Variants in ABCA13 observed in about 807,000 individuals in gnomAD.
The protein encoded by ABCA13 is ATP binding cassette subfamily A member 13.
Under a neutral mutation model 478.7 loss-of-function variants are expected in ABCA13, and 476 were observed. That is an observed-to-expected ratio of 0.99 (90% confidence interval 0.92 to 1.07). The LOEUF is 1.07. ABCA13 is among the 50% of genes least tolerant of loss of function. The probability of loss-of-function intolerance (pLI) is 0.00; values close to 1 mark genes in which losing one functional copy is unlikely to be tolerated. For synonymous variants in ABCA13, 2,252 were observed against 2,158.9 expected (o/e 1.04, Z -1.20); for missense variants, 6,060 against 5,910.6 (o/e 1.03, Z -0.83).
rs138717542 is a variant in ABCA13, at chr7:48,199,012, G to C, written c.287+652G>C. Among the ~76,000 whole-genome samples, 357 of 152,298 alleles carry C rather than the reference G, an allele frequency of 2.3e-3. 2 individuals are homozygous for C. Among genetic ancestry groups the C allele is most frequent in the African/African-American group, 8.1e-3 (338 of 41,562 alleles). ...TGAATGCCCTGGAAACTTCTCCCAGGTGAAGTTAGGAAGGGAAGGAAGTGG... is the reference window on the plus strand; with the variant it reads ...TGAATGCCCTGGAAACTTCTCCCAGCTGAAGTTAGGAAGGGAAGGAAGTGG... On this transcript the variant is annotated intron_variant, in intron 3 of 61. Transcript: ENST00000435803.
At chr7:48,215,197 AT>A (rs1786263456) in intron 3 of ABCA13, among the ~76,000 whole-genome samples, 1 of 152,116 alleles carries the variant, frequency 6.6e-6, no homozygotes, top group Non-Finnish European at 1.5e-5. Context: ...CACTCGAACA[AT>A]TAGAGGTCAT....
At chr7:48,353,616 C>A (rs1809407258) in intron 31 of ABCA13, among the ~76,000 whole-genome samples, 1 of 151,540 alleles carries the variant, frequency 6.6e-6, no homozygotes, top group Non-Finnish European at 1.5e-5. Flanking sequence ...GGGCGACACA[C>A]ACGTGAGGAT....
In ABCA13 at chr7:48,279,642, C is replaced by T. The variant is rs1368921361; in HGVS notation, c.8448C>T (p.Ile2816=). 3.7e-6 allele frequency: 6 copies of T among 1,612,824 alleles called. No individual in the cohort carries two copies. Among genetic ancestry groups the T allele is most frequent in the Non-Finnish European group, 5.1e-6 (6 of 1,179,560 alleles). The change falls in exon 18 of 62, where the codon ATC becomes ATT. Residue 2816 remains isoleucine (I), a synonymous_variant. Coordinates refer to ENST00000435803, the MANE Select transcript of ABCA13 (RefSeq NM_152701.5). ...NITHHQLEKA[I]HNVLSRIALW... ...CTCATCATCAACTTGAAAAAGCAAT[C>T]CATAATGTTTTAAGTAGAATAGCTC...
At chr7:48,592,958 C>CA (rs897862842) in intron 57 of ABCA13, among the ~76,000 whole-genome samples, 5 of 151,610 alleles carry the variant, frequency 3.3e-5, no homozygotes, top group Non-Finnish European at 5.9e-5. Context: ...TATGTGTATC[C>CA]AAAAAAACTG....
At chr7:48,608,468 T>G (rs1040242566) in intron 58 of ABCA13, among the ~76,000 whole-genome samples, 3 of 152,248 alleles carry the variant, frequency 2.0e-5, no homozygotes, top group African/African-American at 7.2e-5. Flanking sequence ...CAGCTGCACA[T>G]ACATGCAGCC....
At chr7:48,598,996 G>C (rs2131466302) in intron 58 of ABCA13, among the ~76,000 whole-genome samples, 1 of 151,926 alleles carries the variant, frequency 6.6e-6, no homozygotes, top group South Asian at 2.1e-4. Flanking sequence ...TTTATTGTAT[G>C]ATTTATTTTT....
intron 32 of ABCA13, among the ~76,000 whole-genome samples, chr7:48,368,700 T>C (rs1187862418): frequency 4.3e-5 from 6 of 140,968 alleles, no homozygotes; most frequent in Non-Finnish European, 9.3e-5. Context: ...TATATATATA[T>C]ATATATATAT....
At position 48,338,368 on chromosome 7, in the gene ABCA13, G is replaced by T. The variant is rs1171598939; in HGVS notation, c.10117G>T (p.Ala3373Ser). The T allele has an allele frequency of 6.3e-7, 1 of 1,588,196 alleles. No homozygotes were observed. Among genetic ancestry groups the T allele is most frequent in the South Asian group, 1.2e-5 (1 of 86,052 alleles). The change falls in exon 29 of 62, where the codon GCC (alanine) becomes TCC (serine). Residue 3373 changes from alanine (A) to serine (S), a missense_variant. Transcript: ENST00000435803. Reference protein sequence around the residue: ...SGQMFNQLQEALRNKFVRNFV... With the variant: ...SGQMFNQLQESLRNKFVRNFV... The stretch of plus-strand genomic sequence containing the variant: ...AAGCTATATTATTTTTCTTTAGGAG[G>T]CCCTGAGAAACAAATTTGTAAGAAA...
At chr7:48,549,186 G>C (rs1339197926) in intron 55 of ABCA13, among the ~76,000 whole-genome samples, 1 of 151,672 alleles carries the variant, frequency 6.6e-6, no homozygotes, top group Non-Finnish European at 1.5e-5. Flanking sequence ...CATGCATTAG[G>C]TATTTGTCCT....
At chr7:48,550,501 GC>G (rs57696789) in intron 55 of ABCA13, among the ~76,000 whole-genome samples, 21,213 of 151,132 alleles carry the variant, frequency 0.14, 2,051 homozygotes, top group African/African-American at 0.23. Context: ...CAAGTGATCC[GC>G]CCCCCCTCAG....
At chr7:48,517,734 T>C (rs1006963887) in intron 52 of ABCA13, among the ~76,000 whole-genome samples, 5 of 152,248 alleles carry the variant, frequency 3.3e-5, no homozygotes, top group African/African-American at 9.6e-5. Flanking sequence ...CATTCTGTTT[T>C]CTTTTCTCAG....
intron 36 of ABCA13, 114 bp downstream of exon 36, chr7:48,388,073 GA>G: frequency 8.8e-7 from 1 of 1,141,668 alleles, no homozygotes; most frequent in Non-Finnish European, 1.2e-6. Context: ...TTCCTAGAGA[GA>G]CTTACATTTA....
chr7:48,473,138 G>A (rs559917222), intron 45 of ABCA13, among the ~76,000 whole-genome samples: 2 of 152,292 alleles, frequency 1.3e-5, no homozygotes, highest in East Asian at 1.9e-4. Context: ...AACCACCCCC[G>A]TGTTCAGTTA....
At chr7:48,208,080 C>A (rs1405683476) in intron 3 of ABCA13, among the ~76,000 whole-genome samples, 5 of 151,866 alleles carry the variant, frequency 3.3e-5, no homozygotes, top group Non-Finnish European at 7.4e-5. Context: ...GTTCTTGGAG[C>A]CTTTGTAAAA....
At chr7:48,356,813 T>A (rs1809998891) in intron 31 of ABCA13, among the ~76,000 whole-genome samples, 1 of 152,018 alleles carries the variant, frequency 6.6e-6, no homozygotes, top group South Asian at 2.1e-4. Context: ...TGATTGGAAC[T>A]GTAGTGTGTA....
chr7:48,522,463 G>T (rs1832616283), intron 53 of ABCA13, among the ~76,000 whole-genome samples: 1 of 152,148 alleles, frequency 6.6e-6, no homozygotes, highest in Non-Finnish European at 1.5e-5. Context: ...TACCCTAGGT[G>T]CTGGCTGGGT....
chr7:48,420,153 G>T (rs1016806866), intron 41 of ABCA13, among the ~76,000 whole-genome samples: 16 of 152,180 alleles, frequency 1.1e-4, no homozygotes, highest in Admixed American at 1.0e-3. Context: ...GAGTGAGGAG[G>T]ACCTGCCAAT....
intron 15 of ABCA13, among the ~76,000 whole-genome samples, chr7:48,262,548 TCTAA>T: frequency 6.6e-6 from 1 of 151,976 alleles, no homozygotes; most frequent in Non-Finnish European, 1.5e-5. Context: ...CTTTCTTCCT[TCTAA>T]CTCTTTCTCA....
intron 15 of ABCA13, among the ~76,000 whole-genome samples, chr7:48,259,883 C>T (rs1296697680): frequency 6.6e-6 from 1 of 151,842 alleles, no homozygotes; most frequent in African/African-American, 2.4e-5. Flanking sequence ...GTTGTTATTT[C>T]CTTAGCTTGG....
Sources: gnomAD v4.1 joint callset for allele counts (sites outside exome capture counted in the v4.1 genomes callset) on GRCh38, gnomAD v4.1.1 for gene constraint, MANE v1.5 for transcripts, NCBI Gene and HGNC (gene_info 2026-07-23, HGNC 2026-07-21) for gene names.